RGPD2: variants seen among roughly 807,000 people sequenced by gnomAD.
RGPD2 encodes the protein RANBP2 like and GRIP domain containing 2, also known as RANBP2-like and GRIP domain-containing protein 2.
Under a neutral mutation model 36.0 loss-of-function variants are expected in RGPD2, and 2 were observed. The observed-to-expected ratio is 0.06, with a 90% CI of 0.02 to 0.17. RGPD2 has a LOEUF of 0.17. RGPD2 is among the 10% of genes least tolerant of loss of function. RGPD2 has a pLI of 1.00. For synonymous variants in RGPD2, 19 were observed against 163.8 expected, an observed-to-expected ratio of 0.12 and a Z score of 6.75; for missense variants, 40 against 464.3, an observed-to-expected ratio of 0.09 and a Z score of 8.40.
chr2:87,827,375 T>G (rs62140528), upstream of RGPD2, among the ~76,000 whole-genome samples: 3,352 of 151,676 alleles, frequency 0.022, 2 homozygotes, highest in Non-Finnish European at 0.03. Context: ...AAATCAGAGA[T>G]AACCTGGGTT....
chr2:87,867,262 G>C, the RGPD2 span, among the ~76,000 whole-genome samples: 1 of 152,160 alleles, frequency 6.6e-6, no homozygotes, highest in Non-Finnish European at 1.5e-5. Flanking sequence ...AATTCCTGTT[G>C]ATTAAGCCCC....
chr2:87,923,414 A>T, the RGPD2 span, among the ~76,000 whole-genome samples: 4 of 152,346 alleles, frequency 2.6e-5, no homozygotes, highest in East Asian at 3.9e-4. Context: ...ATCTAAAGAA[A>T]ATGCTTTTCT....
chr2:87,824,271 C>T (rs867700698), intron 1 of RGPD2, among the ~76,000 whole-genome samples: 2 of 151,370 alleles, frequency 1.3e-5, no homozygotes, highest in Non-Finnish European at 2.9e-5. Context: ...GGATTACAGA[C>T]GAAGAATATT....
intron 1 of RGPD2, among the ~76,000 whole-genome samples, chr2:87,825,350 ATCT>A (rs1211168281): frequency 4.1e-5 from 6 of 146,094 alleles, no homozygotes; most frequent in Non-Finnish European, 6.0e-5. Flanking sequence ...GCCACAACTA[ATCT>A]TCTCGGGCTC....
chr2:87,988,567 G>T, the RGPD2 span, among the ~76,000 whole-genome samples: 2 of 77,516 alleles, frequency 2.6e-5, no homozygotes, highest in Non-Finnish European at 6.3e-5. Flanking sequence ...TTGAGACTGA[G>T]TCTCACTCTA....
At chr2:87,785,599 AACTAAAGCTATT>A (rs1685571112) in intron 18 of RGPD2, among the ~76,000 whole-genome samples, 1 of 37,508 alleles carries the variant, frequency 2.7e-5, no homozygotes, top group Non-Finnish European at 6.0e-5. Flanking sequence ...GTATTTTGTA[AACTAAAGCTATT>A]ACTGAGAATG....
the RGPD2 span, among the ~76,000 whole-genome samples, chr2:87,839,871 G>T: frequency 9.6e-4 from 140 of 145,122 alleles, no homozygotes; most frequent in Middle Eastern, 3.6e-3. Flanking sequence ...AACCTTCACA[G>T]GTACTCCCAA....
At chr2:87,885,182 G>T in the RGPD2 span, among the ~76,000 whole-genome samples, 1 of 152,050 alleles carries the variant, frequency 6.6e-6, no homozygotes, top group Non-Finnish European at 1.5e-5. Context: ...TCCCTGGGAT[G>T]CAAGATTGGT....
chr2:87,883,113 A>G, the RGPD2 span, among the ~76,000 whole-genome samples: 1 of 152,218 alleles, frequency 6.6e-6, no homozygotes, highest in African/African-American at 2.4e-5. Flanking sequence ...AAAACAAAGC[A>G]ACAATAATTT....
At chr2:87,980,089 C>T in the RGPD2 span, among the ~76,000 whole-genome samples, 12 of 152,002 alleles carry the variant, frequency 7.9e-5, no homozygotes, top group Admixed American at 6.6e-4. Flanking sequence ...GTGGCTCATG[C>T]CTGTAATCCC....
At chr2:87,880,308 T>C in the RGPD2 span, among the ~76,000 whole-genome samples, 1 of 151,616 alleles carries the variant, frequency 6.6e-6, no homozygotes, top group Non-Finnish European at 1.5e-5. Flanking sequence ...AAATGATTTT[T>C]AGGTTGATTC....
chr2:87,920,494 G>A, the RGPD2 span, among the ~76,000 whole-genome samples: 1 of 141,310 alleles, frequency 7.1e-6, no homozygotes, highest in African/African-American at 2.8e-5. Context: ...CCAAGCAGTA[G>A]TGCTTCTTTT....
chr2:87,839,381 C>T, the RGPD2 span, among the ~76,000 whole-genome samples: 12 of 151,932 alleles, frequency 7.9e-5, no homozygotes, highest in Non-Finnish European at 1.2e-4. Flanking sequence ...ATAACAGATT[C>T]TGGTGATGTT....
chr2:87,914,930 C>T, the RGPD2 span, among the ~76,000 whole-genome samples: 2 of 152,084 alleles, frequency 1.3e-5, no homozygotes, highest in Non-Finnish European at 2.9e-5. Flanking sequence ...GGCGGATCAC[C>T]TAAGGTTGGG....
the RGPD2 span, among the ~76,000 whole-genome samples, chr2:87,983,920 C>T: frequency 6.6e-6 from 1 of 152,208 alleles, no homozygotes; most frequent in Non-Finnish European, 1.5e-5. Flanking sequence ...TGAGCAAGGG[C>T]TAGGTCACAT....
chr2:87,938,146 T>C, the RGPD2 span, among the ~76,000 whole-genome samples: 2 of 151,564 alleles, frequency 1.3e-5, no homozygotes, highest in South Asian at 2.1e-4. Flanking sequence ...GATGTAAATA[T>C]TTGAGTGCAT....
intron 22 of RGPD2, among the ~76,000 whole-genome samples, chr2:87,769,807 T>G (rs1383665990): frequency 1.2e-4 from 18 of 151,084 alleles, no homozygotes; most frequent in African/African-American, 4.1e-4. Flanking sequence ...GTTTTACTCT[T>G]AGGTGACTAG....
the RGPD2 span, among the ~76,000 whole-genome samples, chr2:87,984,090 T>A: frequency 3.2e-5 from 4 of 126,546 alleles, no homozygotes; most frequent in Non-Finnish European, 1.7e-5. Flanking sequence ...ACATGAAATA[T>A]GAATAAAAAA....
the RGPD2 span, among the ~76,000 whole-genome samples, chr2:87,834,430 A>G: frequency 1.3e-5 from 2 of 152,230 alleles, no homozygotes; most frequent in South Asian, 4.1e-4. Context: ...TGAAGATTAC[A>G]TGATCATAGA....
Sources: allele counts gnomAD v4.1 joint callset (sites outside exome capture counted in the v4.1 genomes callset), GRCh38; gene constraint gnomAD v4.1.1; transcripts MANE v1.5; gene names NCBI Gene and HGNC (gene_info 2026-07-23, HGNC 2026-07-21).